ANO3: variants seen among roughly 807,000 people sequenced by gnomAD.
ANO3 encodes anoctamin-3.
A neutral mutation model predicts 144.8 loss-of-function variants in ANO3; 99 were observed. That is an observed-to-expected ratio of 0.68 (90% confidence interval 0.58 to 0.81). The LOEUF is 0.81. Among genes scored for constraint, ANO3 ranks in the 30% least tolerant of loss-of-function variants. The pLI is 0.00. For missense variants in ANO3, 905 were observed against 1,202.2 expected, an observed-to-expected ratio of 0.75 and a Z score of 3.66; for synonymous variants, 414 against 392.6, an observed-to-expected ratio of 1.05 and a Z score of -0.64.
intron 1 of ANO3, among the ~76,000 whole-genome samples, chr11:26,432,778 G>C (rs1311076683): frequency 6.6e-6 from 1 of 152,064 alleles, no homozygotes; most frequent in Non-Finnish European, 1.5e-5. Flanking sequence ...TTTTGTACTG[G>C]TATCATGCTA....
intron 14 of ANO3, among the ~76,000 whole-genome samples, chr11:26,586,340 A>C (rs1205418896): frequency 7.2e-6 from 1 of 139,008 alleles, no homozygotes; most frequent in Non-Finnish European, 1.5e-5. Flanking sequence ...GGCTGTCGTT[A>C]ATGCTCCTGT....
At chr11:26,487,544 G>A (rs755669919) in intron 4 of ANO3, among the ~76,000 whole-genome samples, 11 of 152,166 alleles carry the variant, frequency 7.2e-5, no homozygotes, top group Non-Finnish European at 1.0e-4. Context: ...GTGGAGGTCA[G>A]AACAGTTTGG....
chr11:26,312,286 A>C (rs557170123), intron 1 of ANO3, among the ~76,000 whole-genome samples: 1 of 152,352 alleles, frequency 6.6e-6, no homozygotes, highest in South Asian at 2.1e-4. Flanking sequence ...GCTATTGTGA[A>C]TAGTGCTGAA....
At chr11:26,299,132 G>C (rs1016597803) in intron 1 of ANO3, among the ~76,000 whole-genome samples, 21 of 152,312 alleles carry the variant, frequency 1.4e-4, no homozygotes, top group Admixed American at 1.1e-3. Context: ...TGAGGTTTCT[G>C]GGGTTTTGCA....
chr11:26,430,339 T>C (rs949052799), intron 1 of ANO3, among the ~76,000 whole-genome samples: 1 of 151,994 alleles, frequency 6.6e-6, no homozygotes, highest in Non-Finnish European at 1.5e-5. Flanking sequence ...TGTGTATACA[T>C]ATCAAATCTT....
At position 26,662,182 on chromosome 11, in the gene ANO3, T is replaced by C. The variant is rs1853896961; in HGVS notation, c.*1738T>C. 6.6e-6 allele frequency: 1 copy of C among 152,078 alleles called. No homozygotes were observed. Among genetic ancestry groups the C allele is most frequent in the African/African-American group, 2.4e-5 (1 of 41,426 alleles). 9.4% of individuals were successfully genotyped at this position (152,078 alleles called of 1,614,324 possible). ...GATAGATGATAGCTGTTTCATTGTT[T>C]GTTTTTGTCAAGCATATTCACTTTC... On this transcript the variant is annotated 3_prime_UTR_variant, in exon 27 of 27. Coordinates refer to ENST00000256737, the MANE Select transcript of ANO3 (RefSeq NM_031418.4).
At chr11:26,660,094 A>T (rs1853831809) in intron 26 of ANO3, among the ~76,000 whole-genome samples, 168 bp from the exon 27 acceptor site, 1 of 152,210 alleles carries the variant, frequency 6.6e-6, no homozygotes, top group South Asian at 2.1e-4. Context: ...GAAGAAAGCA[A>T]CAGTAGTGTT....
chr11:26,361,351 C>T (rs1019715681), intron 1 of ANO3, among the ~76,000 whole-genome samples: 3 of 152,108 alleles, frequency 2.0e-5, no homozygotes, highest in African/African-American at 7.2e-5. Flanking sequence ...TATATGGTAG[C>T]AGAACAAAAG....
chr11:26,407,219 G>GT (rs1332961374), intron 1 of ANO3, among the ~76,000 whole-genome samples: 1 of 151,194 alleles, frequency 6.6e-6, no homozygotes, highest in African/African-American at 2.4e-5. Context: ...TTCTGAATAT[G>GT]TAATGAACTT....
chr11:26,208,106 A>G (rs1359812841), intron 1 of ANO3: 1 of 152,164 alleles, frequency 6.6e-6, no homozygotes, highest in Admixed American at 6.5e-5. Flanking sequence ...CTTGAATCTC[A>G]TCTATAAAAG....
chr11:26,265,038 A>C (rs911213608), intron 1 of ANO3, among the ~76,000 whole-genome samples: 3 of 152,134 alleles, frequency 2.0e-5, no homozygotes, highest in African/African-American at 7.2e-5. Context: ...AATCAAGAAT[A>C]AAAAAGATGA....
chr11:26,297,944 T>C (rs988606491), intron 1 of ANO3, among the ~76,000 whole-genome samples: 40 of 152,322 alleles, frequency 2.6e-4, no homozygotes, highest in African/African-American at 9.4e-4. Context: ...CCCCATTCTT[T>C]CCACTATACC....
chr11:26,413,667 C>A (rs1857492345), intron 1 of ANO3, among the ~76,000 whole-genome samples: 1 of 151,938 alleles, frequency 6.6e-6, no homozygotes, highest in Non-Finnish European at 1.5e-5. Flanking sequence ...TTATGTAATT[C>A]TTTAAGAACT....
rs539958169 is a variant in ANO3 at position 26,394,656 on chromosome 11, C to A, written c.47-47262C>A. 2.6e-3 allele frequency among the ~76,000 whole-genome samples: 385 copies of A among 148,694 alleles called. 2 individuals carry two copies. Among genetic ancestry groups the A allele is most frequent in the Non-Finnish European group, 4.6e-3 (311 of 67,574 alleles). ...ACAGTGGCGTGATCACAGCTCACTG[C>A]AACCTCCGCCTCCCAGGTTCAAGCA... is the stretch of plus-strand genomic sequence containing the variant. On this transcript the variant is annotated intron_variant, in intron 1 of 26. Transcript: ENST00000256737.
chr11:26,373,665 G>A (rs1366514660), intron 1 of ANO3, among the ~76,000 whole-genome samples: 1 of 152,090 alleles, frequency 6.6e-6, no homozygotes, highest in Non-Finnish European at 1.5e-5. Context: ...ATATGTATCA[G>A]TTTAATCAAA....
At chr11:26,498,533 A>C (rs1565062794) in intron 4 of ANO3, among the ~76,000 whole-genome samples, 1 of 149,940 alleles carries the variant, frequency 6.7e-6, no homozygotes, top group Non-Finnish European at 1.5e-5. Flanking sequence ...GATAGTCAAT[A>C]ATTATTAATA....
chr11:26,491,721 A>G (rs774046129), intron 4 of ANO3, among the ~76,000 whole-genome samples: 83 of 152,212 alleles, frequency 5.5e-4, no homozygotes, highest in Non-Finnish European at 1.9e-4. Flanking sequence ...CAACCTTCCC[A>G]TACGCACAAG....
intron 17 of ANO3, among the ~76,000 whole-genome samples, chr11:26,621,428 T>C (rs7930308): frequency 0.44 from 67,103 of 151,984 alleles, 15,701 homozygotes; most frequent in East Asian, 0.68. Context: ...TTCTGTGTCT[T>C]AAAGGTACTT....
intron 1 of ANO3, among the ~76,000 whole-genome samples, chr11:26,426,605 C>T (rs747058865): frequency 1.3e-5 from 2 of 152,142 alleles, no homozygotes; most frequent in Non-Finnish European, 2.9e-5. Context: ...ATGGTTTGCC[C>T]ATACTTCGTA....
Sources: allele counts gnomAD v4.1 joint callset (sites outside exome capture counted in the v4.1 genomes callset), GRCh38; gene constraint gnomAD v4.1.1; transcripts MANE v1.5; gene names NCBI Gene and HGNC (gene_info 2026-07-23, HGNC 2026-07-21).